SLCO5A1: variants seen among roughly 807,000 people sequenced by gnomAD.
SLCO5A1 encodes solute carrier organic anion transporter family member 5A1, also known as organic anion transporter polypeptide-related protein 4.
SLCO5A1 carries 39 observed loss-of-function variants against 65.1 expected under a neutral mutation model. The observed-to-expected ratio is 0.60, with a 90% confidence interval of 0.46 to 0.78. SLCO5A1 has a LOEUF of 0.78. Among genes scored for constraint, SLCO5A1 ranks in the 30% least tolerant of loss-of-function variants. The pLI is 0.00. For synonymous variants in SLCO5A1, 438 were observed against 415.7 expected, an observed-to-expected ratio of 1.05 and a Z score of -0.65; for missense variants, 1,029 against 1,069.4, an observed-to-expected ratio of 0.96 and a Z score of 0.53.
At chr8:69,703,886 C>T (rs1317605190) in intron 6 of SLCO5A1, among the ~76,000 whole-genome samples, 1 of 152,200 alleles carries the variant, frequency 6.6e-6, no homozygotes, top group Non-Finnish European at 1.5e-5. Flanking sequence ...ATTATCAATG[C>T]TCTTGCCTAG....
Position 69,679,475 on chromosome 8 carries a change from G to T in SLCO5A1, c.1927C>A (p.Arg643=). 6.2e-7 allele frequency: 1 copy of T among 1,614,202 alleles called. No individual in the cohort carries two copies. The part of the protein sequence containing the change: ...NGYAVSGKCK[R]TCNTLIPFLV... Reference sequence around the variant, plus strand: ...AATGGGATAAGAGTATTGCAGGTCCGTTTACATTTCCCAGACACAGCATAG... The same window carrying T: ...AATGGGATAAGAGTATTGCAGGTCCTTTTACATTTCCCAGACACAGCATAG... The change falls in exon 8 of 10, where the codon CGG becomes AGG. Residue 643 remains arginine (R), a synonymous_variant. Transcript: ENST00000260126.
chr8:69,796,627 T>C (rs1271186307), intron 2 of SLCO5A1, among the ~76,000 whole-genome samples: 2 of 149,788 alleles, frequency 1.3e-5, no homozygotes, highest in East Asian at 3.9e-4. Context: ...AAACATTTTA[T>C]ATATATATAT....
At chr8:69,772,654 G>GA (rs1453834922) in intron 2 of SLCO5A1, among the ~76,000 whole-genome samples, 1 of 150,464 alleles carries the variant, frequency 6.6e-6, no homozygotes, top group African/African-American at 2.5e-5. Context: ...GAAAGGAAAG[G>GA]AAAAGAAATG....
chr8:69,754,819 C>A (rs1280518266), intron 4 of SLCO5A1, among the ~76,000 whole-genome samples: 2 of 152,062 alleles, frequency 1.3e-5, no homozygotes, highest in Non-Finnish European at 2.9e-5. Context: ...CTTCTGGATG[C>A]TTTTACACTG....
chr8:69,774,352 C>T (rs144505410), intron 2 of SLCO5A1, among the ~76,000 whole-genome samples: 1 of 152,292 alleles, frequency 6.6e-6, no homozygotes, highest in East Asian at 1.9e-4. Flanking sequence ...TTTACAGTCA[C>T]AGATCCCTGA....
intron 2 of SLCO5A1, among the ~76,000 whole-genome samples, chr8:69,771,600 G>A (rs1019011728): frequency 1.3e-5 from 2 of 151,920 alleles, no homozygotes; most frequent in African/African-American, 4.8e-5. Context: ...CTTCTCTTAT[G>A]TGGTGCATAT....
intron 6 of SLCO5A1, among the ~76,000 whole-genome samples, chr8:69,701,498 A>G (rs1814733748): frequency 6.6e-6 from 1 of 152,216 alleles, no homozygotes; most frequent in South Asian, 2.1e-4. Flanking sequence ...GAAGCCTGCT[A>G]CTGGAAGACT....
At position 69,832,225 on chromosome 8, in the gene SLCO5A1, C is replaced by T; in HGVS notation, c.449G>A (p.Ser150Asn). The T allele has an allele frequency of 1.9e-6, 3 of 1,614,204 alleles. No individual in the cohort carries two copies. ...CCTTTCAATGGTGGTAATTACGCTG[C>T]TCAGGTACCCAGAGACCATTAACGC... ...IQALMVSGYL[S>N]SVITTIERRY... The change falls in exon 2 of 10, where the codon AGC becomes AAC. Residue 150 changes from serine to asparagine, a missense_variant. This residue lies in a region of SLCO5A1 where 647 missense variants were observed against 647.5 expected (regional missense o/e 1.00). Transcript: ENST00000260126. This position sits in a 1 kb window ranked among gnomAD's most constrained non-coding sequence, Gnocchi z 4.5.
intron 2 of SLCO5A1, among the ~76,000 whole-genome samples, chr8:69,763,684 C>T (rs1817915691): frequency 7.9e-6 from 1 of 125,970 alleles, no homozygotes; most frequent in African/African-American, 2.9e-5. Flanking sequence ...AATTCATTAG[C>T]ATTCCTTTAA....
At chr8:69,817,080 A>T (rs537576428) in intron 2 of SLCO5A1, among the ~76,000 whole-genome samples, 8 of 152,312 alleles carry the variant, frequency 5.3e-5, no homozygotes, top group African/African-American at 1.7e-4. Context: ...TATTCACATC[A>T]TCGTGCAACA....
intron 5 of SLCO5A1, among the ~76,000 whole-genome samples, chr8:69,730,938 A>G (rs780349230): frequency 2.0e-5 from 3 of 152,174 alleles, no homozygotes; most frequent in African/African-American, 4.8e-5. Flanking sequence ...GAATATAAAA[A>G]TATTCAAGCA....
At chr8:69,716,006 C>T (rs746184569) in intron 5 of SLCO5A1, among the ~76,000 whole-genome samples, 2 of 152,096 alleles carry the variant, frequency 1.3e-5, no homozygotes, top group South Asian at 2.1e-4. Context: ...TGCTCCAGCC[C>T]GAGACAATCA....
intron 6 of SLCO5A1, among the ~76,000 whole-genome samples, chr8:69,690,768 A>G (rs1408392422): frequency 6.6e-6 from 1 of 152,222 alleles, no homozygotes; most frequent in Non-Finnish European, 1.5e-5. Context: ...CTCGGCCAAG[A>G]GCAGAAAACT....
rs1300960522 is a variant in SLCO5A1 at position 69,682,269 on chromosome 8, T to C, written c.1697A>G (p.Tyr566Cys). The C allele has an allele frequency of 1.2e-6, 2 of 1,612,584 alleles. No individual in the cohort carries two copies. The highest frequency in any genetic ancestry group is 1.3e-5 in the African/African-American group (1 of 74,876). ...TCCATCTGATCCACAGACTGGCTCA[T>C]ACTCGTGTATTTTACAACCACAATT... is the stretch of plus-strand genomic sequence containing the variant. ...NVNCGCKIHE[Y>C]EPVCGSDGIT... Residue 566 changes from tyrosine to cysteine, a missense_variant, in exon 7 of 10, where the codon TAT (tyrosine) becomes TGT (cysteine). This residue lies in a region of SLCO5A1 where 124 missense variants were observed against 184.5 expected (regional missense o/e 0.67). Transcript: ENST00000260126.
intron 2 of SLCO5A1, among the ~76,000 whole-genome samples, chr8:69,779,638 T>C (rs1003016707): frequency 3.3e-5 from 5 of 152,168 alleles, no homozygotes; most frequent in East Asian, 1.9e-4. Context: ...TCATTTTCAA[T>C]TTACAGATGA....
chr8:69,742,794 C>A, intron 4 of SLCO5A1, among the ~76,000 whole-genome samples: 3 of 83,194 alleles, frequency 3.6e-5, no homozygotes, highest in East Asian at 4.0e-4. Flanking sequence ...TGAGTGGATT[C>A]TTTTTTTTTT....
At chr8:69,687,665 G>A (rs981628861) in intron 6 of SLCO5A1, among the ~76,000 whole-genome samples, 15 of 152,014 alleles carry the variant, frequency 9.9e-5, no homozygotes, top group African/African-American at 3.1e-4. Flanking sequence ...AACACCCAGC[G>A]ATATCCACTT....
At chr8:69,715,571 C>A (rs1470269061) in intron 5 of SLCO5A1, among the ~76,000 whole-genome samples, 2 of 152,046 alleles carry the variant, frequency 1.3e-5, no homozygotes, top group Admixed American at 1.3e-4. Flanking sequence ...ACAAAGCTAC[C>A]CTTCCCCTAG....
Position 69,832,432 on chromosome 8 carries a change from G to C in SLCO5A1, c.242C>G (p.Pro81Arg), listed in dbSNP as rs773739758. Reference sequence around the variant, plus strand: ...CGAAGTGGACGGGGCAGAGGGACTGGGGGCCAACGGGTTCGGGCCTTGCTT... The same window carrying C: ...CGAAGTGGACGGGGCAGAGGGACTGCGGGCCAACGGGTTCGGGCCTTGCTT... ...ELKQGPNPLA[P>R]SPSAPSTSAG... Residue 81 changes from proline (P) to arginine (R), a missense_variant, in exon 2 of 10, where the codon CCC becomes CGC. Pro to Arg is a moderately radical substitution (Grantham distance 103). Transcript: ENST00000260126. This position sits in a 1 kb window ranked among gnomAD's most constrained non-coding sequence, Gnocchi z 4.5. The C allele has an allele frequency of 1.9e-6, 3 of 1,613,106 alleles. No homozygotes were observed. Among genetic ancestry groups the C allele is most frequent in the Admixed American group, 1.7e-5 (1 of 59,832 alleles).
Sources: gnomAD v4.1 joint callset for allele counts (sites outside exome capture counted in the v4.1 genomes callset) on GRCh38, gnomAD v4.1.1 for gene constraint, gnomAD v4.1.1 regional missense constraint, Gnocchi (gnomAD v3.1) non-coding constraint, MANE v1.5 for transcripts, NCBI Gene and HGNC (gene_info 2026-07-23, HGNC 2026-07-21) for gene names.